Variants in LRRTM4 observed in about 807,000 individuals in gnomAD.
LRRTM4 encodes the protein leucine-rich repeat transmembrane neuronal protein 4.
In LRRTM4, 25 loss-of-function variants were observed where a neutral mutation model predicts 47.6. That is an observed-to-expected ratio of 0.53 (90% CI 0.38 to 0.73). The LOEUF is 0.73. LRRTM4 is among the 30% of genes least tolerant of loss of function. The pLI is 0.00. For missense variants in LRRTM4, 638 were observed against 713.4 expected (o/e 0.89, Z 1.20); for synonymous variants, 311 against 269.5 (o/e 1.15, Z -1.51).
At chr2:77,286,805 C>T (rs1014297042) in intron 3 of LRRTM4, among the ~76,000 whole-genome samples, 3 of 151,992 alleles carry the variant, frequency 2.0e-5, no homozygotes, top group African/African-American at 4.8e-5. Flanking sequence ...AATAAAACAA[C>T]TCTAATTGAG....
chr2:77,252,972 A>C (rs1444715629), intron 3 of LRRTM4, among the ~76,000 whole-genome samples: 13 of 151,860 alleles, frequency 8.6e-5, no homozygotes, highest in Non-Finnish European at 1.5e-5. Context: ...TTTTAAATCT[A>C]TGTAAAATTG....
intron 3 of LRRTM4, among the ~76,000 whole-genome samples, chr2:77,457,065 C>A (rs182484977): frequency 5.4e-4 from 57 of 104,644 alleles, no homozygotes; most frequent in Middle Eastern, 6.5e-3. Context: ...TAACCTGGAA[C>A]TCTTTGACAA....
chr2:76,981,899 A>C (rs1027251435), intron 3 of LRRTM4, among the ~76,000 whole-genome samples: 5 of 151,952 alleles, frequency 3.3e-5, no homozygotes, highest in Non-Finnish European at 7.4e-5. Context: ...AGTATATATA[A>C]ATCTTGTGTG....
chr2:76,834,019 ATTATTTATTTATTTATTTATTTAT>A (rs10644834), intron 3 of LRRTM4, among the ~76,000 whole-genome samples: 1 of 140,538 alleles, frequency 7.1e-6, no homozygotes, highest in Non-Finnish European at 1.5e-5. Flanking sequence ...TCATTTATTT[ATTATTTATTTATTTATTTATTTAT>A]TTATTTATTT....
intron 3 of LRRTM4, among the ~76,000 whole-genome samples, chr2:77,433,205 T>C (rs909298044): frequency 5.9e-5 from 9 of 152,304 alleles, no homozygotes; most frequent in South Asian, 4.1e-4. Context: ...TACCAACAGA[T>C]AAAAATGTTC....
At chr2:76,901,472 C>T (rs1053568612) in intron 3 of LRRTM4, among the ~76,000 whole-genome samples, 7 of 151,364 alleles carry the variant, frequency 4.6e-5, no homozygotes, top group Admixed American at 2.6e-4. Flanking sequence ...ACCACTGTGA[C>T]TTAGACAGAA....
chr2:76,851,851 C>G (rs921400536), intron 3 of LRRTM4, among the ~76,000 whole-genome samples: 1 of 147,672 alleles, frequency 6.8e-6, no homozygotes, highest in Non-Finnish European at 1.5e-5. Context: ...AAATTAAACA[C>G]AGGTTTTTGA....
chr2:76,922,461 T>A (rs1023694345), intron 3 of LRRTM4, among the ~76,000 whole-genome samples: 7 of 152,054 alleles, frequency 4.6e-5, no homozygotes, highest in Non-Finnish European at 1.0e-4. Flanking sequence ...CAAGCCTCCA[T>A]GATTCAATCA....
chr2:76,983,179 C>T (rs1181009903), intron 3 of LRRTM4, among the ~76,000 whole-genome samples: 4 of 151,936 alleles, frequency 2.6e-5, no homozygotes, highest in African/African-American at 7.2e-5. Flanking sequence ...AGTTCAGTAA[C>T]GTTATAATAA....
intron 3 of LRRTM4, among the ~76,000 whole-genome samples, chr2:77,437,812 C>A (rs1675663343): frequency 6.6e-6 from 1 of 151,962 alleles, no homozygotes; most frequent in South Asian, 2.1e-4. Flanking sequence ...AAATAAAGAC[C>A]TATTTGCTGA....
intron 3 of LRRTM4, among the ~76,000 whole-genome samples, chr2:76,772,202 T>C (rs926352372): frequency 6.6e-6 from 1 of 152,106 alleles, no homozygotes; most frequent in African/African-American, 2.4e-5. Context: ...CTCTACTCTT[T>C]TCCACCAAAT....
rs75346753 is a variant in LRRTM4, at chr2:77,488,352, G to A, written c.1551+29966C>T. 2.1e-4 allele frequency among the ~76,000 whole-genome samples: 32 copies of A among 152,272 alleles called. No individual in the cohort carries two copies. In the East Asian group the frequency reaches 4.1e-3, roughly 19 times the overall value. ...GCAGCTGGCAAGCCTGGTTGTGTGC[G>A]GCAGCTGGACACCATGCTTGCTCAC... is the stretch of plus-strand genomic sequence containing the variant. On this transcript the variant is annotated intron_variant, in intron 3 of 3. Transcript: ENST00000409884.
chr2:76,958,704 C>G (rs916909700), intron 3 of LRRTM4, among the ~76,000 whole-genome samples: 1 of 151,696 alleles, frequency 6.6e-6, no homozygotes, highest in Non-Finnish European at 1.5e-5. Flanking sequence ...TCATGTTTCA[C>G]TGAATGTAAG....
intron 3 of LRRTM4, among the ~76,000 whole-genome samples, chr2:76,911,844 TTG>T (rs970838591): frequency 6.6e-6 from 1 of 150,726 alleles, no homozygotes; most frequent in Non-Finnish European, 1.5e-5. Flanking sequence ...GTGTGTATAT[TTG>T]TGTGTGTCTG....
At chr2:77,055,982 T>G (rs962534158) in intron 3 of LRRTM4, among the ~76,000 whole-genome samples, 5 of 141,582 alleles carry the variant, frequency 3.5e-5, no homozygotes, top group African/African-American at 1.3e-4. Flanking sequence ...TAGGTGGGAA[T>G]TGAACAATGA....
At chr2:77,163,782 C>T (rs569930756) in intron 3 of LRRTM4, among the ~76,000 whole-genome samples, 1 of 152,280 alleles carries the variant, frequency 6.6e-6, no homozygotes, top group East Asian at 1.9e-4. Context: ...CACCACCAGG[C>T]TTGCCTTACA....
At chr2:77,376,153 C>A (rs1249610173) in intron 3 of LRRTM4, among the ~76,000 whole-genome samples, 2 of 151,584 alleles carry the variant, frequency 1.3e-5, no homozygotes, top group Admixed American at 1.3e-4. Flanking sequence ...TAGATTTAGT[C>A]TTAGGTATAA....
intron 3 of LRRTM4, among the ~76,000 whole-genome samples, chr2:77,289,159 A>C (rs1676749569): frequency 6.6e-6 from 1 of 152,074 alleles, no homozygotes. Context: ...AATATGTGAA[A>C]GGAGTTTACA....
At chr2:77,359,685 A>G (rs145720060) in intron 3 of LRRTM4, among the ~76,000 whole-genome samples, 118 of 152,336 alleles carry the variant, frequency 7.7e-4, no homozygotes, top group Middle Eastern at 3.4e-3. Flanking sequence ...TTCATTGGCC[A>G]AGGATTGAAT....
Sources: allele counts gnomAD v4.1 joint callset (sites outside exome capture counted in the v4.1 genomes callset), GRCh38; gene constraint gnomAD v4.1.1; transcripts MANE v1.5; gene names NCBI Gene and HGNC (gene_info 2026-07-23, HGNC 2026-07-21).